Variants in KIAA1210 observed in about 807,000 individuals in gnomAD.
The protein encoded by KIAA1210 is KIAA1210.
In KIAA1210, 48 loss-of-function variants were observed where a neutral mutation model predicts 78.9. That is an observed-to-expected ratio of 0.61 (90% CI 0.48 to 0.77). KIAA1210 has a LOEUF of 0.77. Ranked by LOEUF, KIAA1210 falls within the 30% of genes least tolerant of loss-of-function variation. The pLI is 0.00. For synonymous variants in KIAA1210, 406 were observed against 404.5 expected (o/e 1.00, Z -0.04); for missense variants, 1,108 against 1,100.0 (o/e 1.01, Z -0.10).
chrX:119,088,488 A>C lies in KIAA1210; in HGVS notation c.2214T>G (p.Pro738=). The change falls in exon 9 of 12, where the codon CCT becomes CCG. Residue 738 remains proline (P), a synonymous_variant. Transcript: ENST00000691062. ...CAGTAGGATTCATAATGGGCTGAGAAGGGCATCTGGAAGGCAGCTGCTGCA... is the reference window on the plus strand; with the variant it reads ...CAGTAGGATTCATAATGGGCTGAGACGGGCATCTGGAAGGCAGCTGCTGCA... ...DFMQQLPSRC[P]SQPIMNPTVQ... The C allele has an allele frequency of 8.3e-7, 1 of 1,211,459 alleles. No homozygotes were observed.
intron 8 of KIAA1210, among the ~76,000 whole-genome samples, chrX:119,092,891 A>G (rs144588519): frequency 0.018 from 2,027 of 110,258 alleles, 23 homozygotes; most frequent in Non-Finnish European, 0.026. Flanking sequence ...CTTAGTATTC[A>G]TGGGAAAACG....
At chrX:119,099,771 T>A (rs895359234) in intron 6 of KIAA1210, among the ~76,000 whole-genome samples, 1 of 111,783 alleles carries the variant, frequency 8.9e-6, no homozygotes, top group Non-Finnish European at 1.9e-5. Context: ...TATCAAGACC[T>A]AATGAGTAAG....
At chrX:119,130,854 A>C (rs1488460591), upstream of KIAA1210, among the ~76,000 whole-genome samples, 1 of 112,062 alleles carries the variant, frequency 8.9e-6, no homozygotes, top group African/African-American at 3.2e-5. Flanking sequence ...CTCGTTATCA[A>C]GTCATTATTA....
chrX:119,121,652 T>A (rs1386647267), intron 2 of KIAA1210, among the ~76,000 whole-genome samples: 2 of 112,892 alleles, frequency 1.8e-5, no homozygotes, highest in African/African-American at 6.4e-5. Context: ...TTATCCACAA[T>A]GCATACAGGC....
At chrX:119,129,640 C>A (rs765631304), upstream of KIAA1210, among the ~76,000 whole-genome samples, 22 of 110,793 alleles carry the variant, frequency 2.0e-4, no homozygotes, top group Non-Finnish European at 4.2e-4. Flanking sequence ...TCCCTCCCAG[C>A]CCTGGGTTAT....
chrX:119,099,349 C>A (rs1357462145), intron 6 of KIAA1210, among the ~76,000 whole-genome samples: 7 of 112,069 alleles, frequency 6.2e-5, no homozygotes, highest in Admixed American at 5.7e-4. Flanking sequence ...CCAATCACAG[C>A]CGAAGCCAAG....
At chrX:119,099,077 G>A (rs1438733513) in intron 6 of KIAA1210, among the ~76,000 whole-genome samples, 1 of 112,336 alleles carries the variant, frequency 8.9e-6, no homozygotes, top group Non-Finnish European at 1.9e-5. Context: ...GGAGGTCTAT[G>A]AATCTGGAAA....
chrX:119,133,493 C>T (rs764882453), intron 2 of KIAA1210, among the ~76,000 whole-genome samples: 26 of 111,272 alleles, frequency 2.3e-4, no homozygotes, highest in Non-Finnish European at 4.7e-4. Flanking sequence ...GGGATATAGA[C>T]GGAATGATTG....
At chrX:119,147,807 A>C (rs1322615591) in intron 1 of KIAA1210, among the ~76,000 whole-genome samples, 2 of 111,493 alleles carry the variant, frequency 1.8e-5, no homozygotes, top group African/African-American at 3.3e-5. Context: ...GGGGTACTGA[A>C]ATCGGAAATG....
At position 119,085,279 on chromosome X, in the gene KIAA1210, C is replaced by T; in HGVS notation, c.4320+104G>A. 8 of 756,433 alleles carry T rather than the reference C, an allele frequency of 1.1e-5. No individual in the cohort carries two copies. In the South Asian group the frequency reaches 2.1e-4, roughly 20 times the overall value. 62.3% of individuals were successfully genotyped at this position (756,433 alleles called of 1,213,427 possible). ...AGTCCTCCTGCCTTGATTAATGTTC[C>T]CAAAGAGAGGGGGAGCTGCATGTTG... On this transcript the variant is annotated intron_variant, in intron 10 of 11. Transcript: ENST00000691062.
upstream of KIAA1210, among the ~76,000 whole-genome samples, chrX:119,130,618 G>A (rs1054856154): frequency 1.8e-5 from 2 of 112,557 alleles, no homozygotes; most frequent in African/African-American, 6.5e-5. Flanking sequence ...AAATCAGTGG[G>A]AAAAGTGGTC....
In KIAA1210 at chrX:119,086,597, T is replaced by C. The variant is rs1440536159; in HGVS notation, c.4105A>G (p.Arg1369Gly). 8.3e-7 allele frequency: 1 copy of C among 1,208,621 alleles called. No homozygotes were observed. Among genetic ancestry groups the C allele is most frequent in the Non-Finnish European group, 1.1e-6 (1 of 894,839 alleles). Residue 1369 changes from arginine to glycine, a missense_variant, in exon 9 of 12, where the codon AGG becomes GGG. By Grantham distance (125) the Arg-to-Gly change is moderately radical. Around this residue, in one of 5 missense-constraint regions of KIAA1210, gnomAD observed 245 missense variants for 278.8 expected, o/e 0.88. Transcript: ENST00000691062. ...TTGGCCATGCTTTCAGATTTGGGCC[T>C]GCTCTGTTGCTTATCTGCAACGTAA... ...ISYVADKQQS[R>G]PKSESMAKKQ... is the part of the protein sequence containing the mutation.
Position 119,089,182 on chromosome X carries a change from G to C in KIAA1210, c.1520C>G (p.Ala507Gly). The C allele has an allele frequency of 8.3e-7, 1 of 1,209,741 alleles. No individual in the cohort carries two copies. The highest frequency in any genetic ancestry group is 1.1e-6 in the Non-Finnish European group (1 of 894,070). The change falls in exon 9 of 12, where the codon GCC becomes GGC. Residue 507 changes from alanine to glycine, a missense_variant. Physicochemically the swap from Ala to Gly is moderately conservative, Grantham distance 60 (BLOSUM62 0). This residue lies in a region of KIAA1210 where 672 missense variants were observed against 607.1 expected (regional missense o/e 1.11). Coordinates refer to ENST00000691062, the MANE Select transcript of KIAA1210 (RefSeq NM_001394962.1). Reference sequence around the variant, plus strand: ...AGCCTCTGCTGCTACTGAGAGAATGGCCTCCTCTTGGGTTGTAGAAAGGCT... The same window carrying C: ...AGCCTCTGCTGCTACTGAGAGAATGCCCTCCTCTTGGGTTGTAGAAAGGCT... Reference protein sequence around the residue: ...VESLSTTQEEAILSVAAEAQV... With the variant: ...VESLSTTQEEGILSVAAEAQV...
chrX:119,137,362 T>C (rs1288814325), intron 2 of KIAA1210, among the ~76,000 whole-genome samples: 2 of 112,486 alleles, frequency 1.8e-5, no homozygotes, highest in Non-Finnish European at 3.8e-5. Context: ...AATTCCCTGA[T>C]GACAAAGAGA....
chrX:119,130,030 C>T (rs145405778), upstream of KIAA1210, among the ~76,000 whole-genome samples: 802 of 111,934 alleles, frequency 7.2e-3, 10 homozygotes, highest in African/African-American at 0.025. Flanking sequence ...CTGAGCTATA[C>T]GTTTATTTAT....
At chrX:119,090,588 T>A in intron 8 of KIAA1210, among the ~76,000 whole-genome samples, 1 of 109,873 alleles carries the variant, frequency 9.1e-6, no homozygotes, top group South Asian at 4.0e-4. Context: ...TTTTTTTTTT[T>A]AAGAAGGGGT....
At chrX:119,083,641 C>T (rs182076549) in intron 10 of KIAA1210, among the ~76,000 whole-genome samples, 4 of 111,376 alleles carry the variant, frequency 3.6e-5, no homozygotes, top group African/African-American at 6.5e-5. Flanking sequence ...TCAAATTAAC[C>T]TCTTCATAAT....
At position 119,116,686 on chromosome X, in the gene KIAA1210, G is replaced by A. The variant is rs376364325; in HGVS notation, c.62-22C>T. Reference sequence around the variant, plus strand: ...TTTCCTGGAAGTGAAAAATGAAAATGAGGCAGAGTGTGATGGTAGAAGGGA... The same window carrying A: ...TTTCCTGGAAGTGAAAAATGAAAATAAGGCAGAGTGTGATGGTAGAAGGGA... On this transcript the variant is annotated intron_variant, in intron 2 of 11. Transcript: ENST00000691062. The A allele has an allele frequency of 7.5e-5, 88 of 1,172,943 alleles. 1 individual carries two copies. In the South Asian group the frequency reaches 1.0e-3, roughly 13 times the overall value.
intron 10 of KIAA1210, among the ~76,000 whole-genome samples, chrX:119,084,200 A>G (rs1927060076): frequency 9.0e-6 from 1 of 110,589 alleles, no homozygotes; most frequent in Non-Finnish European, 1.9e-5. Flanking sequence ...TTGATATATG[A>G]ATTTGGTATG....
Sources: allele counts gnomAD v4.1 joint callset (sites outside exome capture counted in the v4.1 genomes callset), GRCh38; gene constraint gnomAD v4.1.1; regional missense constraint gnomAD v4.1.1; transcripts MANE v1.5; gene names NCBI Gene and HGNC (gene_info 2026-07-23, HGNC 2026-07-21).